Variants in MCUB observed in about 807,000 individuals in gnomAD.
MCUB encodes the protein mitochondrial calcium uniporter dominant negative subunit beta, also known as calcium uniporter regulatory subunit MCUb, mitochondrial.
MCUB carries 46 observed loss-of-function variants against 41.4 expected under a neutral mutation model. The ratio of observed to expected loss-of-function variants is 1.11; its 90% CI spans 0.88 to 1.42. MCUB has a LOEUF of 1.42. MCUB is among the 40% of genes most tolerant of loss of function. The pLI is 0.00. For synonymous variants in MCUB, 148 were observed against 148.2 expected (o/e 1.00, Z 0.01); for missense variants, 403 against 404.9 (o/e 1.00, Z 0.04).
chr4:109,653,202 C>A (rs1384469898), intron 1 of MCUB, among the ~76,000 whole-genome samples: 1 of 151,914 alleles, frequency 6.6e-6, no homozygotes, highest in African/African-American at 2.4e-5. Context: ...TGGTAGAAAC[C>A]CCGTCTCTAC....
chr4:109,662,440 G>A (rs1408400315), intron 3 of MCUB, among the ~76,000 whole-genome samples: 2 of 152,180 alleles, frequency 1.3e-5, no homozygotes, highest in African/African-American at 4.8e-5. Flanking sequence ...AATAAGAGAG[G>A]TTAAAATGAT....
At chr4:109,661,626 T>G (rs1291658660) in intron 3 of MCUB, among the ~76,000 whole-genome samples, 4 of 152,072 alleles carry the variant, frequency 2.6e-5, no homozygotes, top group Admixed American at 6.6e-5. Flanking sequence ...TAATAAGTGT[T>G]ACGAAGAAAA....
chr4:109,572,325 A>G (rs1436253717), intron 1 of MCUB, among the ~76,000 whole-genome samples: 2 of 152,262 alleles, frequency 1.3e-5, no homozygotes, highest in African/African-American at 4.8e-5. Context: ...ATAAGGAAGA[A>G]AATAAATATA....
chr4:109,572,591 C>T (rs984437143), intron 1 of MCUB, among the ~76,000 whole-genome samples: 1 of 152,072 alleles, frequency 6.6e-6, no homozygotes, highest in Non-Finnish European at 1.5e-5. Flanking sequence ...AATATCATAA[C>T]TGACACTAAT....
At chr4:109,634,430 C>T (rs1177926459) in intron 1 of MCUB, among the ~76,000 whole-genome samples, 2 of 149,402 alleles carry the variant, frequency 1.3e-5, no homozygotes, top group Non-Finnish European at 3.0e-5. Flanking sequence ...TTGCAGTGAG[C>T]TGAGATTGCG....
intron 1 of MCUB, among the ~76,000 whole-genome samples, chr4:109,621,957 C>T (rs1208813263): frequency 6.6e-6 from 1 of 152,148 alleles, no homozygotes; most frequent in Admixed American, 6.5e-5. Flanking sequence ...TCTTGGTTCA[C>T]TGCAACCTCT....
At chr4:109,684,390 C>T in intron 5 of MCUB, 53 bp from the exon 6 acceptor site, 3 of 1,418,568 alleles carry the variant, frequency 2.1e-6, no homozygotes, top group Non-Finnish European at 2.9e-6. Flanking sequence ...GCTTTTTGTC[C>T]CTTTAGTTGG....
intron 1 of MCUB, among the ~76,000 whole-genome samples, chr4:109,656,856 G>T (rs1321063965): frequency 1.3e-5 from 2 of 152,088 alleles, no homozygotes; most frequent in Non-Finnish European, 2.9e-5. Context: ...TTTATTTATT[G>T]AGAGTTGCAT....
At chr4:109,632,307 G>A (rs1053943624) in intron 1 of MCUB, among the ~76,000 whole-genome samples, 5 of 152,044 alleles carry the variant, frequency 3.3e-5, no homozygotes, top group African/African-American at 4.8e-5. Flanking sequence ...TTTGCTGAAC[G>A]CTGGTTCAGA....
chr4:109,575,375 G>T (rs1727003278), intron 1 of MCUB, among the ~76,000 whole-genome samples: 1 of 152,118 alleles, frequency 6.6e-6, no homozygotes, highest in African/African-American at 2.4e-5. Context: ...GTCATTGGGG[G>T]TTAGACTGTT....
chr4:109,627,972 A>G (rs1379816157), intron 1 of MCUB, among the ~76,000 whole-genome samples: 1 of 151,996 alleles, frequency 6.6e-6, no homozygotes, highest in Non-Finnish European at 1.5e-5. Flanking sequence ...GGGAGAAGCC[A>G]ATAAAAAAGG....
At chr4:109,685,552 G>A (rs1729821331) in intron 7 of MCUB, among the ~76,000 whole-genome samples, 185 bp downstream of exon 7, 1 of 152,110 alleles carries the variant, frequency 6.6e-6, no homozygotes, top group East Asian at 1.9e-4. Flanking sequence ...TTACTCTTCT[G>A]TACATGAAGA....
intron 3 of MCUB, among the ~76,000 whole-genome samples, chr4:109,661,919 G>C (rs567367362): frequency 6.6e-6 from 1 of 152,226 alleles, no homozygotes; most frequent in East Asian, 1.9e-4. Context: ...TGTAATCCCA[G>C]CTACTCAGGA....
At chr4:109,672,740 A>C (rs1243223462) in intron 4 of MCUB, among the ~76,000 whole-genome samples, 1 of 152,206 alleles carries the variant, frequency 6.6e-6, no homozygotes, top group African/African-American at 2.4e-5. Context: ...TTTCTGTTAA[A>C]AAAAGTCCTC....
intron 1 of MCUB, among the ~76,000 whole-genome samples, chr4:109,623,916 C>T (rs561524885): frequency 1.3e-5 from 2 of 152,168 alleles, no homozygotes; most frequent in African/African-American, 4.8e-5. Context: ...ATGGTGTGAT[C>T]ATAGCTCACT....
chr4:109,608,702 C>T (rs197205), intron 1 of MCUB, among the ~76,000 whole-genome samples: 80,466 of 151,576 alleles, frequency 0.53, 21,670 homozygotes, highest in South Asian at 0.69. Flanking sequence ...GGTTTTGCCA[C>T]GTTGCCCAGG....
At chr4:109,569,441 A>G (rs921167197) in intron 1 of MCUB, among the ~76,000 whole-genome samples, 56 of 152,034 alleles carry the variant, frequency 3.7e-4, no homozygotes, top group African/African-American at 1.3e-3. Context: ...ACAAAATTTA[A>G]CAAAATATAA....
chr4:109,632,060 AT>A (rs1728485148), intron 1 of MCUB, among the ~76,000 whole-genome samples: 1 of 152,176 alleles, frequency 6.6e-6, no homozygotes, highest in Non-Finnish European at 1.5e-5. Context: ...AGAGGTCCGA[AT>A]CTCAGCCTAG....
At chr4:109,666,825 C>G (rs1729356237) in intron 4 of MCUB, among the ~76,000 whole-genome samples, 1 of 152,052 alleles carries the variant, frequency 6.6e-6, no homozygotes, top group East Asian at 1.9e-4. Flanking sequence ...TTTGTCAAAT[C>G]TTTTTCTGCA....
Sources: allele counts gnomAD v4.1 joint callset (sites outside exome capture counted in the v4.1 genomes callset), GRCh38; gene constraint gnomAD v4.1.1; transcripts MANE v1.5; gene names NCBI Gene and HGNC (gene_info 2026-07-23, HGNC 2026-07-21).